Variants in NHSL2 observed in about 807,000 individuals in gnomAD.
NHSL2 encodes NHS-like protein 2.
In NHSL2, 27 loss-of-function variants were observed where a neutral mutation model predicts 53.4. The observed-to-expected ratio is 0.51, with a 90% CI of 0.37 to 0.70. The LOEUF is 0.70. Ranked by LOEUF, NHSL2 falls within the 30% of genes least tolerant of loss-of-function variation. NHSL2 has a pLI of 0.00. For missense variants in NHSL2, 892 were observed against 980.1 expected (o/e 0.91, Z 1.20); for synonymous variants, 408 against 404.1 (o/e 1.01, Z -0.12).
At position 72,067,152 on chromosome X, in the gene NHSL2, GACAA is replaced by G. The variant is rs1307194436; in HGVS notation, c.281-64916_281-64913del. 4.5e-5 allele frequency among the ~76,000 whole-genome samples: 5 copies of G among 110,649 alleles called. No individual in the cohort carries two copies. In the East Asian group the frequency reaches 1.1e-3, roughly 25 times the overall value. On this transcript the variant is annotated intron_variant, in intron 1 of 7. Transcript: ENST00000633930. Reference sequence around the variant, plus strand: ...AGCAAGACCCTGTCTCAAAAAAACAGACAAACAAACAAACCGCTTCAAGAAGGGC... The same window carrying G: ...AGCAAGACCCTGTCTCAAAAAAACAGACAAACAAACCGCTTCAAGAAGGGC...
At chrX:71,916,747 C>T (rs1318343783) in intron 1 of NHSL2, among the ~76,000 whole-genome samples, 1 of 112,286 alleles carries the variant, frequency 8.9e-6, no homozygotes, top group Non-Finnish European at 1.9e-5. Flanking sequence ...ATGGTAAAAA[C>T]AAAAATAAAA....
chrX:71,916,075 G>A (rs1267804098), intron 1 of NHSL2, among the ~76,000 whole-genome samples: 2 of 111,755 alleles, frequency 1.8e-5, no homozygotes, highest in Non-Finnish European at 3.8e-5. Flanking sequence ...CTTCAGGTGG[G>A]AAGGGGTGGC....
At chrX:71,949,198 C>T (rs1473739973) in intron 1 of NHSL2, among the ~76,000 whole-genome samples, 2 of 111,316 alleles carry the variant, frequency 1.8e-5, no homozygotes, top group Non-Finnish European at 3.8e-5. Flanking sequence ...TTAAAAAATG[C>T]TCTTACTTGA....
At chrX:71,969,803 A>G (rs1344491880) in intron 1 of NHSL2, among the ~76,000 whole-genome samples, 1 of 112,214 alleles carries the variant, frequency 8.9e-6, no homozygotes, top group African/African-American at 3.2e-5. Flanking sequence ...TGCTCTAGCT[A>G]GAACCTCCAT....
intron 1 of NHSL2, among the ~76,000 whole-genome samples, chrX:71,953,653 A>T (rs1179851688): frequency 9.0e-6 from 1 of 111,229 alleles, no homozygotes; most frequent in Admixed American, 9.5e-5. Context: ...GGTTCCAGGG[A>T]TCTTTCCCTT....
chrX:72,086,570 G>C (rs1293812755), intron 1 of NHSL2, among the ~76,000 whole-genome samples: 3 of 108,514 alleles, frequency 2.8e-5, no homozygotes, highest in African/African-American at 1.0e-4. Flanking sequence ...TGTAATCCCA[G>C]CTACTCGGGA....
intron 1 of NHSL2, among the ~76,000 whole-genome samples, chrX:71,941,293 T>C (rs1330880272): frequency 3.6e-5 from 4 of 111,942 alleles, no homozygotes; most frequent in Non-Finnish European, 7.5e-5. Context: ...TATGGGTCAT[T>C]GTATTCATGT....
intron 1 of NHSL2, among the ~76,000 whole-genome samples, chrX:72,044,344 TTGGAATTCTTCCCCCTAATCAAG>T (rs2042292807): frequency 8.9e-6 from 1 of 111,754 alleles, no homozygotes; most frequent in Non-Finnish European, 1.9e-5. Flanking sequence ...CACCCAATTT[TTGGAATTCTTCCCCCTAATCAAG>T]TGGCAGGGAA....
rs60426119 is a variant in NHSL2, at chrX:72,024,568, G to A, written c.281-107511G>A. ...GTACCTTCATTTCACAGATGAGGAC[G>A]GGCACAGAGAGGCTGAGTGGGTGGT... On this transcript the variant is annotated intron_variant, in intron 1 of 7. Coordinates refer to ENST00000633930, the MANE Select transcript of NHSL2 (RefSeq NM_001013627.3). 2.6e-3 allele frequency among the ~76,000 whole-genome samples: 296 copies of A among 112,102 alleles called. 1 individual carries two copies. Among genetic ancestry groups the A allele is most frequent in the African/African-American group, 9.1e-3 (280 of 30,819 alleles).
chrX:72,074,100 A>G (rs913389416), intron 1 of NHSL2, among the ~76,000 whole-genome samples: 2 of 112,293 alleles, frequency 1.8e-5, no homozygotes, highest in African/African-American at 6.5e-5. Flanking sequence ...GATCCAGACG[A>G]CTGGTATCAT....
chrX:72,122,570 AT>A (rs34677932), intron 1 of NHSL2, among the ~76,000 whole-genome samples: 13,419 of 111,830 alleles, frequency 0.12, 741 homozygotes, highest in African/African-American at 0.21. Context: ...GAAAAGTGAA[AT>A]TACTAAGTCA....
At chrX:72,058,328 C>T (rs1049494963) in intron 1 of NHSL2, among the ~76,000 whole-genome samples, 14 of 111,728 alleles carry the variant, frequency 1.3e-4, no homozygotes, top group African/African-American at 4.6e-4. Flanking sequence ...GACAGCTTCC[C>T]AGTTCTTTTT....
rs185460135 is a variant in NHSL2 at position 72,133,856 on chromosome X, C to T, written c.437-235C>T. The T allele has an allele frequency of 1.4e-3, 487 of 338,720 alleles. 4 individuals carry two copies. The highest frequency in any genetic ancestry group is 0.011 in the African/African-American group (404 of 38,213). The allele number at this position is 338,720 out of a possible 1,213,427, so 27.9% of individuals were successfully genotyped here. On this transcript the variant is annotated intron_variant, in intron 2 of 7. Transcript: ENST00000633930. ...GATCATTGAGATAAGGGCTTGGTCCCCAAACCACCACAGCATGAATTTATT... is the reference window on the plus strand; with the variant it reads ...GATCATTGAGATAAGGGCTTGGTCCTCAAACCACCACAGCATGAATTTATT...
At chrX:71,964,650 C>T (rs7055831) in intron 1 of NHSL2, among the ~76,000 whole-genome samples, 22,651 of 110,823 alleles carry the variant, frequency 0.2, 2,513 homozygotes, top group African/African-American at 0.41. Context: ...GTTCTGATAC[C>T]AGGAGGGCTC....
chrX:72,140,378 C>T lies in NHSL2; in HGVS notation c.2830C>T (p.Pro944Ser). 8.3e-7 allele frequency: 1 copy of T among 1,210,997 alleles called. No homozygotes were observed. Among genetic ancestry groups the T allele is most frequent in the African/African-American group, 1.7e-5 (1 of 57,777 alleles). Residue 944 changes from proline (P) to serine (S), a missense_variant, in exon 6 of 8, where the codon CCC (proline) becomes TCC (serine). Pro to Ser is a moderately conservative substitution (Grantham distance 74). Transcript: ENST00000633930. ...CAGAAGCCCAGGGGAGTCAACAGCA[C>T]CCTCATCTCTTGTTTTCACGCCTTT... ...DGRSPGESTA[P>S]SSLVFTPFAS...
chrX:72,042,426 G>T (rs1237336631), intron 1 of NHSL2, among the ~76,000 whole-genome samples: 1 of 111,906 alleles, frequency 8.9e-6, no homozygotes, highest in Non-Finnish European at 1.9e-5. Flanking sequence ...GGATGAACCA[G>T]TCACCAGCTA....
chrX:72,063,785 A>T (rs1447692534), intron 1 of NHSL2, among the ~76,000 whole-genome samples: 1 of 110,765 alleles, frequency 9.0e-6, no homozygotes, highest in Non-Finnish European at 1.9e-5. Flanking sequence ...CTATCACCTC[A>T]CATACCACTA....
chrX:72,098,780 T>C (rs936165072), intron 1 of NHSL2, among the ~76,000 whole-genome samples: 1 of 111,979 alleles, frequency 8.9e-6, no homozygotes, highest in Non-Finnish European at 1.9e-5. Context: ...TATTTAATGG[T>C]TTGTTATTGT....
intron 1 of NHSL2, among the ~76,000 whole-genome samples, chrX:72,110,739 A>C (rs951167008): frequency 9.4e-6 from 1 of 106,586 alleles, no homozygotes; most frequent in African/African-American, 3.4e-5. Flanking sequence ...AAAAAAAAAA[A>C]AAAAAAAAAA....
Sources: gnomAD v4.1 joint callset for allele counts (sites outside exome capture counted in the v4.1 genomes callset) on GRCh38, gnomAD v4.1.1 for gene constraint, MANE v1.5 for transcripts, NCBI Gene and HGNC (gene_info 2026-07-23, HGNC 2026-07-21) for gene names.